EPHA4: variants seen among roughly 807,000 people sequenced by gnomAD.
EPHA4 encodes the protein EPH receptor A4.
In EPHA4, 19 loss-of-function variants were observed where a neutral mutation model predicts 108.3. That is an observed-to-expected ratio of 0.18 (90% confidence interval 0.12 to 0.26). The LOEUF (loss-of-function observed/expected upper bound fraction) is 0.26. Among genes scored for constraint, EPHA4 ranks in the 10% least tolerant of loss-of-function variants. EPHA4 has a pLI of 1.00. For missense variants in EPHA4, 917 were observed against 1,254.0 expected (o/e 0.73, Z 4.06); for synonymous variants, 449 against 455.5 (o/e 0.99, Z 0.18).
Position 221,419,260 on chromosome 2 carries a change from A to T in EPHA4, c.*2112T>A, listed in dbSNP as rs1007422759. The T allele has an allele frequency of 2.0e-5, 3 of 152,628 alleles. No homozygotes were observed. Among genetic ancestry groups the T allele is most frequent in the Admixed American group, 6.5e-5 (1 of 15,272 alleles). The allele number at this position is 152,628 out of a possible 1,614,324, so 9.5% of individuals were successfully genotyped here. On this transcript the variant is annotated 3_prime_UTR_variant, in exon 18 of 18. Coordinates refer to ENST00000281821, the MANE Select transcript of EPHA4 (RefSeq NM_004438.5). ...GAAGGCTGATGCTCTTGTGAGGGCA[A>T]CAGGAGTTAGCTGCATATTAATTAC...
At chr2:221,528,968 T>TAAAAC (rs750628880) in intron 3 of EPHA4, among the ~76,000 whole-genome samples, 2 of 152,038 alleles carry the variant, frequency 1.3e-5, no homozygotes, top group Middle Eastern at 3.4e-3. Flanking sequence ...CATGGATCAT[T>TAAAAC]AAAACAAAAC....
intron 1 of EPHA4, 89 bp downstream of exon 1, chr2:221,572,069 C>G (rs1694856811): frequency 9.1e-7 from 1 of 1,100,032 alleles, no homozygotes; most frequent in South Asian, 1.3e-5. Flanking sequence ...GGGCTCCCCC[C>G]GCACCACCTG....
At chr2:221,494,446 A>C (rs1304267848) in intron 4 of EPHA4, among the ~76,000 whole-genome samples, 1 of 152,174 alleles carries the variant, frequency 6.6e-6, no homozygotes, top group Non-Finnish European at 1.5e-5. Context: ...TCTACTAAAA[A>C]TACAAAAATA....
intron 3 of EPHA4, among the ~76,000 whole-genome samples, chr2:221,531,930 C>T (rs554313514): frequency 1.3e-5 from 2 of 152,062 alleles, no homozygotes; most frequent in South Asian, 4.2e-4. Context: ...GACGAAATAC[C>T]TTGTACTGAA....
chr2:221,546,802 C>G (rs1024397056), intron 3 of EPHA4, among the ~76,000 whole-genome samples: 3 of 152,134 alleles, frequency 2.0e-5, no homozygotes, highest in Non-Finnish European at 4.4e-5. Context: ...AACTACTCAC[C>G]CTGGGCAAAC....
Position 221,560,165 on chromosome 2 carries a change from C to T in EPHA4, c.823+3566G>A, listed in dbSNP as rs746109962. On this transcript the variant is annotated intron_variant, in intron 3 of 17. Coordinates refer to ENST00000281821, the MANE Select transcript of EPHA4 (RefSeq NM_004438.5). The stretch of plus-strand genomic sequence containing the variant: ...TTTGTCAAACATTTAAGATCTTAAT[C>T]AATCTTCCCTCTGACCTCCCGGACC... Among the ~76,000 whole-genome samples, 85 of 129,018 alleles carry T rather than the reference C, an allele frequency of 6.6e-4. 1 individual carries two copies. Among genetic ancestry groups the T allele is most frequent in the Non-Finnish European group, 1.1e-3 (72 of 62,804 alleles). 84.6% of individuals were successfully genotyped at this position (129,018 alleles called of 152,430 possible). A position where few individuals can be genotyped will look rare whatever the true frequency, so the allele number is the denominator to read the frequency against.
intron 4 of EPHA4, among the ~76,000 whole-genome samples, chr2:221,483,244 G>A (rs1039428600): frequency 6.6e-6 from 1 of 152,088 alleles, no homozygotes; most frequent in Non-Finnish European, 1.5e-5. Flanking sequence ...GGTTTAACGC[G>A]GTTGCAGAGA....
At chr2:221,505,208 T>A (rs1237009961) in intron 3 of EPHA4, among the ~76,000 whole-genome samples, 4 of 152,172 alleles carry the variant, frequency 2.6e-5, no homozygotes, top group Non-Finnish European at 2.9e-5. Context: ...ACCAAACACT[T>A]AGTATCCCAA....
intron 3 of EPHA4, among the ~76,000 whole-genome samples, chr2:221,519,168 A>G (rs543067285): frequency 6.6e-6 from 1 of 152,324 alleles, no homozygotes; most frequent in Admixed American, 6.5e-5. Context: ...AAGCAGGTGC[A>G]TGTTTTAACC....
At chr2:221,427,973 A>G (rs887839879) in intron 15 of EPHA4, among the ~76,000 whole-genome samples, 2 of 152,184 alleles carry the variant, frequency 1.3e-5, no homozygotes, top group Non-Finnish European at 1.5e-5. Context: ...TTATTTCAAT[A>G]TAAGTTTGAT....
rs1323748874 is a variant in EPHA4, at chr2:221,563,938, G to A, written c.616C>T (p.Leu206Phe). Residue 206 changes from leucine to phenylalanine, a missense_variant, in exon 3 of 18, where the codon CTC becomes TTC. By Grantham distance (22) the Leu-to-Phe change is conservative. This residue lies in a region of EPHA4 where 758 missense variants were observed against 1,076.7 expected (regional missense o/e 0.70). Transcript: ENST00000281821. ...SVRVFYKKCPLTVRNLAQFPD... is the reference protein window; with the variant it reads ...SVRVFYKKCPFTVRNLAQFPD... The stretch of plus-strand genomic sequence containing the variant: ...AACTGGGCCAGATTGCGGACTGTGA[G>A]TGGACACTTTTTATAGAACACACGG... 1.2e-6 allele frequency: 2 copies of A among 1,614,200 alleles called. No homozygotes were observed. Among genetic ancestry groups the A allele is most frequent in the African/African-American group, 1.3e-5 (1 of 75,038 alleles).
At position 221,523,739 on chromosome 2, in the gene EPHA4, G is replaced by A. The variant is rs538819113; in HGVS notation, c.824-22567C>T. Among the ~76,000 whole-genome samples, 60 of 150,944 alleles carry A rather than the reference G, an allele frequency of 4.0e-4. 3 individuals carry two copies. The highest frequency in any genetic ancestry group is 1.4e-3 in the African/African-American group (57 of 41,098). Reference sequence around the variant, plus strand: ...CTTCTGGGTAGCTGAGATTACAGACGTGTGCCACCATGCCTGGCTAATATT... The same window carrying A: ...CTTCTGGGTAGCTGAGATTACAGACATGTGCCACCATGCCTGGCTAATATT... On this transcript the variant is annotated intron_variant, in intron 3 of 17. Transcript: ENST00000281821.
In EPHA4 at chr2:221,482,680, A is replaced by T; in HGVS notation, c.990T>A (p.Ser330=). 6.3e-7 allele frequency: 1 copy of T among 1,594,528 alleles called. No individual in the cohort carries two copies. Among genetic ancestry groups the T allele is most frequent in the Non-Finnish European group, 8.6e-7 (1 of 1,164,938 alleles). Reference sequence around the variant, plus strand: ...CATTTGAAATCAAGTTCAGGGGAGCAGATGGTGGACCTGGAGAAAGAAAAC... The same window carrying T: ...CATTTGAAATCAAGTTCAGGGGAGCTGATGGTGGACCTGGAGAAAGAAAAC... ...AASMPCTRPP[S]APLNLISNVN... is the part of the protein sequence containing the mutation. The change falls in exon 5 of 18, where the codon TCT becomes TCA. Residue 330 remains serine (S), a synonymous_variant. Coordinates refer to ENST00000281821, the MANE Select transcript of EPHA4 (RefSeq NM_004438.5).
At chr2:221,434,618 T>C (rs1690176275) in intron 13 of EPHA4, among the ~76,000 whole-genome samples, 2 of 152,248 alleles carry the variant, frequency 1.3e-5, no homozygotes, top group African/African-American at 2.4e-5. Context: ...ATCAGTGATA[T>C]GTAGCTGACA....
intron 5 of EPHA4, among the ~76,000 whole-genome samples, chr2:221,461,275 C>T (rs563356749): frequency 6.6e-4 from 101 of 152,268 alleles, no homozygotes; most frequent in East Asian, 7.7e-4. Context: ...GGTATGTTTC[C>T]ACACTTTGGT....
rs1204782715 is a variant in EPHA4, at chr2:221,571,579, A to G, written c.91+579T>C. Among the ~76,000 whole-genome samples, 1 of 151,944 alleles carries G rather than the reference A, an allele frequency of 6.6e-6. No homozygotes were observed. Among genetic ancestry groups the G allele is most frequent in the Non-Finnish European group, 1.5e-5 (1 of 67,976 alleles). Reference sequence around the variant, plus strand: ...CACCCTCGGGGCGCTGGGCTTGGCGAGGAGAAAGGTGTCTGACTCCGGGTG... The same window carrying G: ...CACCCTCGGGGCGCTGGGCTTGGCGGGGAGAAAGGTGTCTGACTCCGGGTG... On this transcript the variant is annotated intron_variant, in intron 1 of 17. Transcript: ENST00000281821. This position sits in a 1 kb window ranked among gnomAD's most constrained non-coding sequence, Gnocchi z 6.3.
At position 221,571,051 on chromosome 2, in the gene EPHA4, A is replaced by G. The variant is rs770125469; in HGVS notation, c.91+1107T>C. Among the ~76,000 whole-genome samples the G allele has an allele frequency of 1.2e-4, 18 of 152,162 alleles. No homozygotes were observed. The highest frequency in any genetic ancestry group is 1.9e-4 in the Non-Finnish European group (13 of 68,030). The stretch of plus-strand genomic sequence containing the variant: ...CGAGCATACACTCGAACACACGCGC[A>G]CACACTCAGGACATCTGCGCACAGA... On this transcript the variant is annotated intron_variant, in intron 1 of 17. Transcript: ENST00000281821. The surrounding 1 kb of genome is among the most constrained non-coding windows in gnomAD (Gnocchi z 6.3).
chr2:221,572,103 C>A, intron 1 of EPHA4, 55 bp downstream of exon 1: 2 of 1,484,264 alleles, frequency 1.3e-6, no homozygotes, highest in Non-Finnish European at 1.9e-6. Context: ...GAGGACCCCT[C>A]ACCCGCGATG....
Position 221,482,694 on chromosome 2 carries a change from G to A in EPHA4, c.980-4C>T, listed in dbSNP as rs770343422. 2.7e-5 allele frequency: 43 copies of A among 1,583,826 alleles called. No homozygotes were observed. The African/African-American group carries it at 5.1e-4, about 19-fold the overall frequency. On this transcript the variant is annotated splice_polypyrimidine_tract_variant and splice_region_variant and intron_variant, in intron 4 of 17. Coordinates refer to ENST00000281821, the MANE Select transcript of EPHA4 (RefSeq NM_004438.5). ...TTCAGGGGAGCAGATGGTGGACCTG[G>A]AGAAAGAAAACCACATCATCACACC...
Sources: gnomAD v4.1 joint callset for allele counts (sites outside exome capture counted in the v4.1 genomes callset) on GRCh38, gnomAD v4.1.1 for gene constraint, gnomAD v4.1.1 regional missense constraint, Gnocchi (gnomAD v3.1) non-coding constraint, MANE v1.5 for transcripts, NCBI Gene and HGNC (gene_info 2026-07-23, HGNC 2026-07-21) for gene names.